The following PCDHGB7 variants were observed in gnomAD, a reference collection of about 807,000 sequenced individuals.
PCDHGB7 encodes protocadherin gamma-B7.
In PCDHGB7, 37 loss-of-function variants were observed where a neutral mutation model predicts 61.4. The observed-to-expected ratio is 0.60, with a 90% CI of 0.46 to 0.79. The LOEUF (loss-of-function observed/expected upper bound fraction) is 0.79. Among genes scored for constraint, PCDHGB7 ranks in the 30% least tolerant of loss-of-function variants. The pLI, the probability that PCDHGB7 is intolerant of heterozygous loss-of-function variation, is 0.00. For synonymous variants in PCDHGB7, 464 were observed against 503.5 expected (o/e 0.92, Z 1.05); for missense variants, 1,166 against 1,202.5 (o/e 0.97, Z 0.45).
intron 1 of PCDHGB7, among the ~76,000 whole-genome samples, chr5:141,462,479 GGTT>G (rs1329069527): frequency 6.6e-6 from 1 of 151,838 alleles, no homozygotes; most frequent in Non-Finnish European, 1.5e-5. Flanking sequence ...TGCTTCTCGT[GGTT>G]GTTGTATCCT....
chr5:141,439,531 G>T (rs1474855779), intron 1 of PCDHGB7, among the ~76,000 whole-genome samples: 1 of 152,126 alleles, frequency 6.6e-6, no homozygotes, highest in Non-Finnish European at 1.5e-5. Context: ...TCTACAGAAC[G>T]CTGTCCTCTC....
chr5:141,421,715 T>G (rs756472123), intron 1 of PCDHGB7: 1 of 1,613,960 alleles, frequency 6.2e-7, no homozygotes, highest in Admixed American at 1.7e-5. Context: ...GATCCAGATG[T>G]GGGCGTGAAC....
intron 2 of PCDHGB7, among the ~76,000 whole-genome samples, chr5:141,496,775 GCAGGGCC>G (rs1025427712): frequency 6.6e-6 from 1 of 152,038 alleles, no homozygotes; most frequent in Non-Finnish European, 1.5e-5. Flanking sequence ...TCTACTATGA[GCAGGGCC>G]CTGTGCTAAA....
At chr5:141,459,829 G>A in intron 1 of PCDHGB7, among the ~76,000 whole-genome samples, 1 of 152,178 alleles carries the variant, frequency 6.6e-6, no homozygotes, top group East Asian at 1.9e-4. Flanking sequence ...AACTTTTCAT[G>A]TGTTGTCTAT....
In PCDHGB7 at chr5:141,431,371, A is replaced by G. The variant is rs2097366432; in HGVS notation, c.2415+11097A>G. The G allele has an allele frequency of 6.2e-7, 1 of 1,613,998 alleles. No individual in the cohort carries two copies. The highest frequency in any genetic ancestry group is 8.5e-7 in the Non-Finnish European group (1 of 1,180,038). ...TGAAACGCGCCCTGGACCGCGAAGA[A>G]AAGGCTGCTCACCACCTGGTCCTTA... On this transcript the variant is annotated intron_variant, in intron 1 of 3. Transcript: ENST00000398594. The surrounding 1 kb of genome is among the most constrained non-coding windows in gnomAD (Gnocchi z 4.8).
chr5:141,499,423 G>GA (rs1229901490), intron 2 of PCDHGB7, among the ~76,000 whole-genome samples: 1 of 151,754 alleles, frequency 6.6e-6, no homozygotes, highest in Non-Finnish European at 1.5e-5. Flanking sequence ...ATGAAAAATA[G>GA]AAAAAAAATT....
chr5:141,436,591 G>A (rs903125499), intron 1 of PCDHGB7, among the ~76,000 whole-genome samples: 8 of 152,154 alleles, frequency 5.3e-5, no homozygotes, highest in Non-Finnish European at 1.0e-4. Context: ...TTGAAAGGTC[G>A]TGGTGATGGC....
chr5:141,442,472 C>T (rs1032989256), intron 1 of PCDHGB7: 1 of 152,204 alleles, frequency 6.6e-6, no homozygotes, highest in Non-Finnish European at 1.5e-5. Context: ...GCAGAAAGCC[C>T]CTTGGGGAAG....
Position 141,485,200 on chromosome 5 carries a change from A to C in PCDHGB7, c.2416-9607A>C. 1 of 1,614,116 alleles carries C rather than the reference A, an allele frequency of 6.2e-7. No homozygotes were observed. The highest frequency in any genetic ancestry group is 2.2e-5 in the East Asian group (1 of 44,872). ...TGCTCCGCAAGGTGAGAAGCTGGAC[A>C]GAAATCTGGCGGTGGGCTACCCTTT... On this transcript the variant is annotated intron_variant, in intron 1 of 3. Coordinates refer to ENST00000398594, the MANE Select transcript of PCDHGB7 (RefSeq NM_018927.4). This position sits in a 1 kb window ranked among gnomAD's most constrained non-coding sequence, Gnocchi z 5.7.
chr5:141,418,598 T>G lies in PCDHGB7; in HGVS notation c.739T>G (p.Tyr247Asp). The G allele has an allele frequency of 6.2e-7, 1 of 1,614,010 alleles. No homozygotes were observed. The highest frequency in any genetic ancestry group is 8.5e-7 in the Non-Finnish European group (1 of 1,179,898). Reference protein sequence around the residue: ...DNPPVFSQDVYRVSLREDVPP... With the variant: ...DNPPVFSQDVDRVSLREDVPP... ...CCCCCCAGTGTTCAGCCAGGACGTG[T>G]ACAGGGTTAGCCTTCGGGAAGACGT... Residue 247 changes from tyrosine (Y) to aspartate (D), a missense_variant, in exon 1 of 4, where the codon TAC (tyrosine) becomes GAC (aspartate). By Grantham distance (160) the Tyr-to-Asp change is radical. Transcript: ENST00000398594.
At chr5:141,458,594 G>T (rs1226490392) in intron 1 of PCDHGB7, among the ~76,000 whole-genome samples, 1 of 151,612 alleles carries the variant, frequency 6.6e-6, no homozygotes, top group Non-Finnish European at 1.5e-5. Context: ...TTTTGGAGAC[G>T]AGTCTCACTC....
In PCDHGB7 at chr5:141,431,739, A is replaced by G; in HGVS notation, c.2415+11465A>G. 3.1e-6 allele frequency: 5 copies of G among 1,614,240 alleles called. No homozygotes were observed. Among genetic ancestry groups the G allele is most frequent in the Non-Finnish European group, 3.4e-6 (4 of 1,180,048 alleles). Reference sequence around the variant, plus strand: ...GTGCAAGCAATGGATAATGCAGGATATTCTGCGCGAGCCAAAGTCCTGATC... The same window carrying G: ...GTGCAAGCAATGGATAATGCAGGATGTTCTGCGCGAGCCAAAGTCCTGATC... On this transcript the variant is annotated intron_variant, in intron 1 of 3. Transcript: ENST00000398594. The surrounding 1 kb of genome is among the most constrained non-coding windows in gnomAD (Gnocchi z 4.8).
intron 3 of PCDHGB7, among the ~76,000 whole-genome samples, chr5:141,508,975 G>T (rs1360718244): frequency 2.6e-5 from 4 of 152,148 alleles, no homozygotes; most frequent in African/African-American, 7.2e-5. Context: ...AAGGGCTGGG[G>T]GTGGGGGCCA....
chr5:141,452,088 AAG>A (rs1200732162), intron 1 of PCDHGB7, among the ~76,000 whole-genome samples: 2 of 152,206 alleles, frequency 1.3e-5, no homozygotes, highest in African/African-American at 4.8e-5. Flanking sequence ...ATTATACAGT[AAG>A]AAAGAGCTTT....
intron 1 of PCDHGB7, among the ~76,000 whole-genome samples, chr5:141,460,003 A>AG (rs1177398494): frequency 6.6e-6 from 1 of 152,186 alleles, no homozygotes; most frequent in African/African-American, 2.4e-5. Context: ...GCTTGAACCC[A>AG]GGAGGCGGAG....
chr5:141,433,365 A>ATCTG, intron 1 of PCDHGB7: 1 of 523,830 alleles, frequency 1.9e-6, no homozygotes, highest in East Asian at 3.1e-5. Context: ...CTGCCTATCT[A>ATCTG]TCTATCTATC....
chr5:141,427,193 CTT>C (rs2096998045), intron 1 of PCDHGB7: 3 of 456,614 alleles, frequency 6.6e-6, no homozygotes, highest in Non-Finnish European at 8.8e-6. Context: ...AATCCAAAGA[CTT>C]AATAGACTTC....
rs2099612668 is a variant in PCDHGB7, at chr5:141,485,382, TGA to T, written c.2416-9424_2416-9423del. The T allele has an allele frequency of 6.2e-7, 1 of 1,613,538 alleles. No homozygotes were observed. The highest frequency in any genetic ancestry group is 8.5e-7 in the Non-Finnish European group (1 of 1,179,906). On this transcript the variant is annotated intron_variant, in intron 1 of 3. Coordinates refer to ENST00000398594, the MANE Select transcript of PCDHGB7 (RefSeq NM_018927.4). The surrounding 1 kb of genome is among the most constrained non-coding windows in gnomAD (Gnocchi z 5.7). ...CGCAGGCTGCAGGTCGCTGGAGAGG[TGA>T]ACCAAAGACACTTCCGTGTGGATTT...
At chr5:141,469,836 T>C (rs2099212875) in intron 1 of PCDHGB7, among the ~76,000 whole-genome samples, 1 of 152,064 alleles carries the variant, frequency 6.6e-6, no homozygotes, top group South Asian at 2.1e-4. Flanking sequence ...ATAAAACTTA[T>C]TCTTAAGATT....
Sources: allele counts gnomAD v4.1 joint callset (sites outside exome capture counted in the v4.1 genomes callset), GRCh38; gene constraint gnomAD v4.1.1; non-coding constraint Gnocchi (gnomAD v3.1); transcripts MANE v1.5; gene names NCBI Gene and HGNC (gene_info 2026-07-23, HGNC 2026-07-21).